Variants in ITPR2 observed in about 807,000 individuals in gnomAD.
The protein encoded by ITPR2 is inositol 1,4,5-trisphosphate receptor type 2.
Under a neutral mutation model 317.1 loss-of-function variants are expected in ITPR2, and 207 were observed. The ratio of observed to expected loss-of-function variants is 0.65; its 90% CI spans 0.58 to 0.73. ITPR2 has a LOEUF of 0.73. Among genes scored for constraint, ITPR2 ranks in the 30% least tolerant of loss-of-function variants. The probability of loss-of-function intolerance (pLI) is 0.00; values close to 1 mark genes in which losing one functional copy is unlikely to be tolerated. For missense variants in ITPR2, 2,613 were observed against 3,284.0 expected, an observed-to-expected ratio of 0.80 and a Z score of 4.99; for synonymous variants, 1,156 against 1,149.1, an observed-to-expected ratio of 1.01 and a Z score of -0.12.
rs1159042450 is a variant in ITPR2, at chr12:26,751,302, A to G, written c.164-25537T>C. ...AGATCATGTCACAGTGAGTTTACCT[A>G]ATAACAAACCTACACATGTACCCAC... On this transcript the variant is annotated intron_variant, in intron 2 of 56. Transcript: ENST00000381340. Among the ~76,000 whole-genome samples the G allele has an allele frequency of 3.1e-4, 47 of 152,178 alleles. 1 individual carries two copies. The highest frequency in any genetic ancestry group is 1.5e-5 in the Non-Finnish European group (1 of 68,032).
At chr12:26,824,481 G>A (rs1950983408) in intron 1 of ITPR2, among the ~76,000 whole-genome samples, 1 of 152,096 alleles carries the variant, frequency 6.6e-6, no homozygotes, top group Non-Finnish European at 1.5e-5. Context: ...AAAATTTCAT[G>A]GTAATTATAT....
intron 48 of ITPR2, among the ~76,000 whole-genome samples, chr12:26,430,528 T>C (rs1338540752): frequency 1.3e-5 from 2 of 152,176 alleles, no homozygotes; most frequent in Non-Finnish European, 2.9e-5. Flanking sequence ...CCTCCCAAAG[T>C]GCTGGGATTA....
intron 2 of ITPR2, among the ~76,000 whole-genome samples, chr12:26,777,207 G>C (rs912726683): frequency 5.3e-5 from 8 of 152,190 alleles, no homozygotes; most frequent in Non-Finnish European, 1.0e-4. Context: ...GATCTCCCTT[G>C]GTTTAATGTG....
intron 48 of ITPR2, among the ~76,000 whole-genome samples, chr12:26,429,804 C>T (rs1941157840): frequency 6.6e-6 from 1 of 152,220 alleles, no homozygotes; most frequent in Non-Finnish European, 1.5e-5. Flanking sequence ...TTCACTAAAA[C>T]TGACAATATC....
intron 47 of ITPR2, among the ~76,000 whole-genome samples, chr12:26,437,452 A>C (rs1941382994): frequency 6.6e-6 from 1 of 152,188 alleles, no homozygotes; most frequent in South Asian, 2.1e-4. Flanking sequence ...TCAATTGACT[A>C]ATGTATCATA....
chr12:26,474,267 T>C (rs1942359363), intron 45 of ITPR2, among the ~76,000 whole-genome samples: 1 of 152,172 alleles, frequency 6.6e-6, no homozygotes, highest in South Asian at 2.1e-4. Flanking sequence ...GAGAAAATGA[T>C]GAGAAAGAAA....
chr12:26,533,131 A>C (rs892899790), intron 37 of ITPR2, among the ~76,000 whole-genome samples: 2 of 152,262 alleles, frequency 1.3e-5, no homozygotes, highest in Non-Finnish European at 2.9e-5. Flanking sequence ...GCCCAAAGCT[A>C]AAAACTGCCA....
intron 2 of ITPR2, among the ~76,000 whole-genome samples, chr12:26,770,969 A>T (rs1949828747): frequency 6.6e-6 from 1 of 152,166 alleles, no homozygotes; most frequent in African/African-American, 2.4e-5. Context: ...TCCTCGGCTT[A>T]TGGCAGCAAA....
At chr12:26,489,125 A>AG (rs1942738946) in intron 39 of ITPR2, among the ~76,000 whole-genome samples, 2 of 152,206 alleles carry the variant, frequency 1.3e-5, no homozygotes, top group Non-Finnish European at 2.9e-5. Context: ...AAAAAGGAAA[A>AG]GTAGGTTTCA....
chr12:26,472,730 A>T (rs1942323768), intron 45 of ITPR2, among the ~76,000 whole-genome samples: 1 of 152,196 alleles, frequency 6.6e-6, no homozygotes, highest in African/African-American at 2.4e-5. Flanking sequence ...CTTCATTTTG[A>T]ATTTATTTCA....
intron 10 of ITPR2, among the ~76,000 whole-genome samples, chr12:26,690,082 G>C (rs1948206586): frequency 6.6e-6 from 1 of 152,144 alleles, no homozygotes; most frequent in African/African-American, 2.4e-5. Flanking sequence ...CGGAATATAA[G>C]GACACAGAAG....
chr12:26,548,198 G>A (rs1233241418), intron 37 of ITPR2, among the ~76,000 whole-genome samples: 3 of 152,176 alleles, frequency 2.0e-5, no homozygotes, highest in Non-Finnish European at 4.4e-5. Context: ...GTACTACCCA[G>A]TAGCTCCTCC....
At chr12:26,564,616 TAAG>T (rs1944900310) in intron 34 of ITPR2, among the ~76,000 whole-genome samples, 1 of 152,080 alleles carries the variant, frequency 6.6e-6, no homozygotes, top group South Asian at 2.1e-4. Flanking sequence ...GGTGTCCTTA[TAAG>T]AAGGGAAGGA....
At chr12:26,567,054 G>A (rs184980066) in intron 34 of ITPR2, among the ~76,000 whole-genome samples, 2 of 152,310 alleles carry the variant, frequency 1.3e-5, no homozygotes, top group African/African-American at 4.8e-5. Context: ...CTCAAAACAT[G>A]TTACAAACAA....
chr12:26,736,792 G>A (rs777138543), intron 2 of ITPR2, among the ~76,000 whole-genome samples: 5 of 152,196 alleles, frequency 3.3e-5, no homozygotes, highest in Non-Finnish European at 7.3e-5. Flanking sequence ...TCAAACAGAG[G>A]AAGAAGGAAC....
In ITPR2 at chr12:26,486,362, T is replaced by G. The variant is rs1465164926; in HGVS notation, c.5555-2A>C. The G allele has an allele frequency of 1.2e-6, 2 of 1,607,574 alleles. No individual in the cohort carries two copies. Among genetic ancestry groups the G allele is most frequent in the Non-Finnish European group, 1.7e-6 (2 of 1,175,486 alleles). On this transcript the variant is annotated splice_acceptor_variant, in intron 40 of 56. Coordinates refer to ENST00000381340, the MANE Select transcript of ITPR2 (RefSeq NM_002223.4). LOFTEE classifies it high-confidence loss of function. ...TTAAATGTAGTGTTGAATCTCTTAC[T>G]GAAAACAAAGCAGTACTTTTATATT...
At position 26,657,751 on chromosome 12, in the gene ITPR2, T is replaced by G. The variant is rs1947404285; in HGVS notation, c.2148A>C (p.Ala716=). ...CTAAGTCAGCTTTGGTGCCTTCTTT[T>G]GCCTCTTGAGCAAGGTGCCTGATAG... ...GKAIRHLAQE[A]KEGTKADLEV... The change falls in exon 18 of 57, where the codon GCA becomes GCC. Residue 716 remains alanine, a synonymous_variant. Coordinates refer to ENST00000381340, the MANE Select transcript of ITPR2 (RefSeq NM_002223.4). 1 of 1,614,182 alleles carries G rather than the reference T, an allele frequency of 6.2e-7. No homozygotes were observed. Among genetic ancestry groups the G allele is most frequent in the Non-Finnish European group, 8.5e-7 (1 of 1,180,022 alleles).
intron 26 of ITPR2, among the ~76,000 whole-genome samples, chr12:26,620,253 G>T (rs1329061434): frequency 6.6e-6 from 1 of 152,230 alleles, no homozygotes; most frequent in Non-Finnish European, 1.5e-5. Context: ...ACGTCAGTGT[G>T]CAATGAAGCC....
chr12:26,650,464 T>C (rs1947222614), intron 21 of ITPR2, among the ~76,000 whole-genome samples: 1 of 152,116 alleles, frequency 6.6e-6, no homozygotes, highest in Admixed American at 6.5e-5. Context: ...ATGATGTCAA[T>C]GTTGGTTCAC....
Sources: gnomAD v4.1 joint callset for allele counts (sites outside exome capture counted in the v4.1 genomes callset) on GRCh38, gnomAD v4.1.1 for gene constraint, MANE v1.5 for transcripts, NCBI Gene and HGNC (gene_info 2026-07-23, HGNC 2026-07-21) for gene names.